The following MAGI1 variants were observed in gnomAD, a reference collection of about 807,000 sequenced individuals.
The protein encoded by MAGI1 is membrane associated guanylate kinase, WW and PDZ domain containing 1.
MAGI1 carries 58 observed loss-of-function variants against 139.9 expected under a neutral mutation model. The observed-to-expected ratio is 0.41, with a 90% CI of 0.34 to 0.52. The LOEUF (loss-of-function observed/expected upper bound fraction) is 0.52. MAGI1 is among the 20% of genes least tolerant of loss of function. MAGI1 has a pLI of 0.12. For missense variants in MAGI1, 1,874 were observed against 1,901.6 expected (o/e 0.99, Z 0.27); for synonymous variants, 812 against 737.9 (o/e 1.10, Z -1.63).
intron 1 of MAGI1, among the ~76,000 whole-genome samples, chr3:65,685,517 A>G (rs1347705094): frequency 2.0e-5 from 3 of 152,226 alleles, no homozygotes; most frequent in African/African-American, 4.8e-5. Context: ...CATCTCATAT[A>G]TATTTTGTAT....
intron 1 of MAGI1, among the ~76,000 whole-genome samples, chr3:65,800,880 T>G (rs1488945811): frequency 6.6e-6 from 1 of 152,184 alleles, no homozygotes; most frequent in Non-Finnish European, 1.5e-5. Flanking sequence ...TGGTGCAAAA[T>G]TAATTGTGGT....
At chr3:65,533,685 C>A (rs1315008642) in intron 2 of MAGI1, among the ~76,000 whole-genome samples, 1 of 152,122 alleles carries the variant, frequency 6.6e-6, no homozygotes, top group Non-Finnish European at 1.5e-5. Context: ...AAGCTATATA[C>A]AGAGTTCTTT....
intron 2 of MAGI1, among the ~76,000 whole-genome samples, chr3:65,571,718 A>G (rs2080968183): frequency 1.3e-5 from 2 of 151,840 alleles, no homozygotes; most frequent in South Asian, 4.2e-4. Flanking sequence ...TAACAGGACA[A>G]CTACACCCAT....
intron 1 of MAGI1, chr3:65,718,322 T>A (rs2032533470): frequency 6.6e-6 from 1 of 152,118 alleles, no homozygotes; most frequent in Non-Finnish European, 1.5e-5. Context: ...AAAAAAAGGA[T>A]AACGGTGAGA....
intron 1 of MAGI1, among the ~76,000 whole-genome samples, chr3:65,935,080 A>G (rs2062982674): frequency 6.6e-6 from 1 of 152,212 alleles, no homozygotes; most frequent in Non-Finnish European, 1.5e-5. Flanking sequence ...GAGAGGTTAC[A>G]GTTCCCCAAA....
chr3:65,840,117 G>C (rs184428364), intron 1 of MAGI1, among the ~76,000 whole-genome samples: 85 of 150,830 alleles, frequency 5.6e-4, no homozygotes, highest in African/African-American at 1.9e-3. Flanking sequence ...TGTATCCTGT[G>C]ACCTTGCTGA....
chr3:65,714,642 T>A (rs1005552759), intron 1 of MAGI1, among the ~76,000 whole-genome samples: 1 of 151,980 alleles, frequency 6.6e-6, no homozygotes, highest in Non-Finnish European at 1.5e-5. Context: ...GTAAGTAGGG[T>A]TAAAAAAAAC....
At chr3:65,375,316 G>A (rs1370617637) in intron 18 of MAGI1, among the ~76,000 whole-genome samples, 1 of 151,764 alleles carries the variant, frequency 6.6e-6, no homozygotes, top group Non-Finnish European at 1.5e-5. Context: ...AGCCTCCCGA[G>A]CAGCTGGGAC....
rs201132775 is a variant in MAGI1 at position 65,391,261 on chromosome 3, A to C, written c.2297T>G (p.Val766Gly). 2 of 1,614,070 alleles carry C rather than the reference A, an allele frequency of 1.2e-6. No individual in the cohort carries two copies. The highest frequency in any genetic ancestry group is 1.7e-6 in the Non-Finnish European group (2 of 1,180,024). The part of the protein sequence containing the change: ...HTASPSHSTQ[V>G]LPEFPPAEAQ... ...CTCTGCAGGTGGGAACTCGGGGAGCACCTGTGTGCTGTGGCTTGGGGATGC... is the reference window on the plus strand; with the variant it reads ...CTCTGCAGGTGGGAACTCGGGGAGCCCCTGTGTGCTGTGGCTTGGGGATGC... Residue 766 changes from valine to glycine, a missense_variant, in exon 14 of 23, where the codon GTG becomes GGG. By Grantham distance (109) the Val-to-Gly change is moderately radical (BLOSUM62 -3). Around this residue, in one of 5 missense-constraint regions of MAGI1, gnomAD observed 482 missense variants for 509.6 expected, o/e 0.95. Transcript: ENST00000402939.
intron 22 of MAGI1, chr3:65,360,907 C>A: frequency 7.3e-7 from 1 of 1,360,810 alleles, no homozygotes; most frequent in Non-Finnish European, 9.5e-7. Flanking sequence ...TGGCACAGTA[C>A]AAACAAACAT....
chr3:65,795,445 C>T (rs184603196), intron 1 of MAGI1, among the ~76,000 whole-genome samples: 280 of 152,260 alleles, frequency 1.8e-3, no homozygotes, highest in African/African-American at 6.4e-3. Context: ...GGGCTACATA[C>T]TGTGTCATTC....
intron 1 of MAGI1, among the ~76,000 whole-genome samples, chr3:65,929,346 ATTTTT>A (rs11369311): frequency 6.9e-6 from 1 of 145,524 alleles, no homozygotes; most frequent in African/African-American, 2.5e-5. Flanking sequence ...ATCAAGGATG[ATTTTT>A]TTTTTTTTGA....
In MAGI1 at chr3:65,504,188, A is replaced by T. The variant is rs569942406; in HGVS notation, c.431-10557T>A. On this transcript the variant is annotated intron_variant, in intron 2 of 22. Transcript: ENST00000402939. ...TGGAACATTCCCTTTTATGCACTCAATGTCCTTATCTGTAAAACAAAAAGG... is the reference window on the plus strand; with the variant it reads ...TGGAACATTCCCTTTTATGCACTCATTGTCCTTATCTGTAAAACAAAAAGG... 1.3e-4 allele frequency among the ~76,000 whole-genome samples: 20 copies of T among 152,316 alleles called. No homozygotes were observed. In the South Asian group the frequency reaches 4.1e-3, roughly 32 times the overall value.
chr3:65,507,412 T>A (rs1005778804), intron 2 of MAGI1, among the ~76,000 whole-genome samples: 120 of 152,318 alleles, frequency 7.9e-4, no homozygotes, highest in African/African-American at 2.7e-3. Context: ...AAATATCACA[T>A]AAAATTGTAT....
At chr3:65,915,273 T>G (rs2061847114) in intron 1 of MAGI1, among the ~76,000 whole-genome samples, 2 of 152,214 alleles carry the variant, frequency 1.3e-5, no homozygotes, top group Admixed American at 6.5e-5. Flanking sequence ...CTTGTACATA[T>G]TTAGCATTAA....
chr3:66,015,409 G>C (rs1445621548), intron 1 of MAGI1, among the ~76,000 whole-genome samples: 1 of 151,720 alleles, frequency 6.6e-6, no homozygotes, highest in Non-Finnish European at 1.5e-5. Flanking sequence ...CTCCCAGCCT[G>C]AACCTAAGAA....
chr3:65,729,510 G>T (rs1425087857), intron 1 of MAGI1, among the ~76,000 whole-genome samples: 1 of 152,146 alleles, frequency 6.6e-6, no homozygotes, highest in Non-Finnish European at 1.5e-5. Flanking sequence ...TTATCTGAAT[G>T]TCTAAGTGGA....
At chr3:65,996,628 C>T (rs1157763551) in intron 1 of MAGI1, among the ~76,000 whole-genome samples, 3 of 151,970 alleles carry the variant, frequency 2.0e-5, no homozygotes, top group African/African-American at 7.3e-5. Flanking sequence ...GACTTCCGCT[C>T]GCTTCACTCC....
intron 1 of MAGI1, among the ~76,000 whole-genome samples, chr3:65,898,085 A>T (rs2061058322): frequency 6.6e-6 from 1 of 152,184 alleles, no homozygotes; most frequent in African/African-American, 2.4e-5. Context: ...GACACTTAAG[A>T]ATAAATGCTT....
Sources: gnomAD v4.1 joint callset for allele counts (sites outside exome capture counted in the v4.1 genomes callset) on GRCh38, gnomAD v4.1.1 for gene constraint, gnomAD v4.1.1 regional missense constraint, MANE v1.5 for transcripts, NCBI Gene and HGNC (gene_info 2026-07-23, HGNC 2026-07-21) for gene names.